PPIL4: variants seen among roughly 807,000 people sequenced by gnomAD.
The protein encoded by PPIL4 is peptidylprolyl isomerase like 4.
Under a neutral mutation model 69.1 loss-of-function variants are expected in PPIL4, and 50 were observed. The ratio of observed to expected loss-of-function variants is 0.72; its 90% CI spans 0.58 to 0.92. PPIL4 has a LOEUF of 0.92. PPIL4 is among the 40% of genes least tolerant of loss of function. The pLI is 0.00. For missense variants in PPIL4, 480 were observed against 587.9 expected, an observed-to-expected ratio of 0.82 and a Z score of 1.90; for synonymous variants, 193 against 191.6, an observed-to-expected ratio of 1.01 and a Z score of -0.06.
chr6:149,529,972 T>C (rs950006672), intron 7 of PPIL4, among the ~76,000 whole-genome samples: 1 of 151,942 alleles, frequency 6.6e-6, no homozygotes, highest in African/African-American at 2.4e-5. Context: ...AAAACATCAG[T>C]AGTTGCCAAG....
intron 9 of PPIL4, among the ~76,000 whole-genome samples, chr6:149,521,539 G>A (rs1268336421): frequency 6.6e-6 from 1 of 152,190 alleles, no homozygotes; most frequent in Non-Finnish European, 1.5e-5. Flanking sequence ...CCTGGAAAGT[G>A]AAAGTTGTGT....
At chr6:149,510,635 G>C (rs963141500) in intron 12 of PPIL4, among the ~76,000 whole-genome samples, 1 of 151,912 alleles carries the variant, frequency 6.6e-6, no homozygotes, top group South Asian at 2.1e-4. Context: ...CCACCTACTC[G>C]GGAGGCTGAG....
At chr6:149,540,364 C>A (rs1296133073) in intron 4 of PPIL4, among the ~76,000 whole-genome samples, 1 of 152,196 alleles carries the variant, frequency 6.6e-6, no homozygotes, top group Non-Finnish European at 1.5e-5. Flanking sequence ...CGCCTGTAAT[C>A]CCAGCACTTT....
intron 12 of PPIL4, among the ~76,000 whole-genome samples, chr6:149,510,908 G>A (rs1373783618): frequency 2.0e-5 from 3 of 151,702 alleles, no homozygotes; most frequent in East Asian, 1.9e-4. Flanking sequence ...GTTTGCACAC[G>A]CATTTTTTTC....
chr6:149,520,807 G>A (rs962851084), intron 10 of PPIL4, among the ~76,000 whole-genome samples: 5 of 152,150 alleles, frequency 3.3e-5, no homozygotes, highest in East Asian at 1.9e-4. Context: ...GAGGTCAGGA[G>A]TTCGAGACCA....
At position 149,520,581 on chromosome 6, in the gene PPIL4, G is replaced by GCACA. The variant is rs34268228; in HGVS notation, c.982+475_982+478dup. ...CACAGGTGCACACATGCATGTGTGT[G>GCACA]CACACACACACACACACACACTCTA... is the stretch of plus-strand genomic sequence containing the variant. On this transcript the variant is annotated intron_variant, in intron 10 of 12. Coordinates refer to ENST00000253329, the MANE Select transcript of PPIL4 (RefSeq NM_139126.4). Among the ~76,000 whole-genome samples, 226 of 149,728 alleles carry GCACA rather than the reference G, an allele frequency of 1.5e-3. 1 individual carries two copies. The highest frequency in any genetic ancestry group is 5.5e-3 in the African/African-American group (224 of 40,780).
intron 11 of PPIL4, chr6:149,516,949 A>G (rs1489400373): frequency 6.5e-6 from 1 of 153,762 alleles, no homozygotes; most frequent in African/African-American, 2.4e-5. Context: ...TATAGAAAAT[A>G]CAAAGCTAGT....
chr6:149,520,545 T>C (rs1033565057), intron 10 of PPIL4, among the ~76,000 whole-genome samples: 2 of 151,144 alleles, frequency 1.3e-5, no homozygotes, highest in African/African-American at 4.9e-5. Flanking sequence ...TTCATCAGTT[T>C]AAAATACACG....
At chr6:149,532,707 A>G (rs946784153) in intron 7 of PPIL4, among the ~76,000 whole-genome samples, 1 of 152,188 alleles carries the variant, frequency 6.6e-6, no homozygotes, top group Admixed American at 6.5e-5. Flanking sequence ...TCAGCAACTC[A>G]GGAGGCTGAG....
chr6:149,526,427 G>C lies in PPIL4; in HGVS notation c.803+225C>G, dbSNP rs575936019. Among the ~76,000 whole-genome samples, 5 of 152,274 alleles carry C rather than the reference G, an allele frequency of 3.3e-5. No homozygotes were observed. In the East Asian group the frequency reaches 7.7e-4, roughly 23 times the overall value. ...CTGTTTTAGGGTGAAAATGTGTTGA[G>C]AGTGGGAGATTCAATTATTTATCTG... On this transcript the variant is annotated intron_variant, in intron 8 of 12. Coordinates refer to ENST00000253329, the MANE Select transcript of PPIL4 (RefSeq NM_139126.4).
chr6:149,525,606 C>T (rs770959626), intron 8 of PPIL4, among the ~76,000 whole-genome samples: 4 of 152,106 alleles, frequency 2.6e-5, no homozygotes, highest in East Asian at 1.9e-4. Context: ...TGTATGCATA[C>T]TCATACATAT....
chr6:149,524,209 ATT>A (rs1238869050), intron 9 of PPIL4, among the ~76,000 whole-genome samples: 1 of 142,550 alleles, frequency 7.0e-6, no homozygotes, highest in East Asian at 4.9e-4. Flanking sequence ...TAGGTGTGTG[ATT>A]TTGAACAAGT....
chr6:149,506,723 T>C (rs1337308397), intron 12 of PPIL4, among the ~76,000 whole-genome samples: 2 of 152,134 alleles, frequency 1.3e-5, no homozygotes, highest in Non-Finnish European at 2.9e-5. Context: ...GTCTCCTAAG[T>C]AGCTGAGACC....
At position 149,517,368 on chromosome 6, in the gene PPIL4, T is replaced by C. The variant is rs1025952549; in HGVS notation, c.1065A>G (p.Val355=). ...GGTAAGGATACTCCTGTTTGGGCTTTACTTTATCTTTCAGAACCAAATTAG... is the reference window on the plus strand; with the variant it reads ...GGTAAGGATACTCCTGTTTGGGCTTCACTTTATCTTTCAGAACCAAATTAG... ...KPPNLVLKDK[V]KPKQDTKYDL... is the part of the protein sequence containing the mutation. The change falls in exon 11 of 13, where the codon GTA becomes GTG. Residue 355 remains valine (V), a synonymous_variant. Transcript: ENST00000253329. The C allele has an allele frequency of 6.3e-7, 1 of 1,588,352 alleles. No individual in the cohort carries two copies. The highest frequency in any genetic ancestry group is 1.7e-5 in the Admixed American group (1 of 59,636).
chr6:149,513,514 A>G (rs953463481), intron 11 of PPIL4, among the ~76,000 whole-genome samples: 1 of 149,068 alleles, frequency 6.7e-6, no homozygotes. Context: ...TAATAAAGAC[A>G]TACTTAAATG....
Position 149,534,779 on chromosome 6 carries a change from C to A in PPIL4, c.465-5G>T. On this transcript the variant is annotated splice_region_variant and splice_polypyrimidine_tract_variant and intron_variant, in intron 5 of 12. Coordinates refer to ENST00000253329, the MANE Select transcript of PPIL4 (RefSeq NM_139126.4). ...AAAATCACCGTATGATTTATCCTTA[C>A]AAAATAAATCCAAATCAAATGTTAT... 1 of 1,429,730 alleles carries A rather than the reference C, an allele frequency of 7.0e-7. No individual in the cohort carries two copies. The allele number at this position is 1,429,730 out of a possible 1,614,324, so 88.6% of individuals were successfully genotyped here. A position where few individuals can be genotyped will look rare whatever the true frequency, so the allele number is the denominator to read the frequency against.
At chr6:149,544,709 A>G (rs1294152964) in intron 1 of PPIL4, among the ~76,000 whole-genome samples, 1 of 152,220 alleles carries the variant, frequency 6.6e-6, no homozygotes, top group East Asian at 1.9e-4. Flanking sequence ...CAGAAGGACA[A>G]TAGTGGAGAA....
intron 7 of PPIL4, among the ~76,000 whole-genome samples, chr6:149,527,342 A>T (rs1457290852): frequency 6.6e-6 from 1 of 152,196 alleles, no homozygotes; most frequent in African/African-American, 2.4e-5. Context: ...ACAGAGCAAG[A>T]CTCCATCTCA....
chr6:149,537,771 T>C (rs1323776629), intron 4 of PPIL4, among the ~76,000 whole-genome samples: 1 of 152,096 alleles, frequency 6.6e-6, no homozygotes, highest in Non-Finnish European at 1.5e-5. Context: ...CAACAAAGCT[T>C]GGATGACAGC....
Sources: allele counts gnomAD v4.1 joint callset (sites outside exome capture counted in the v4.1 genomes callset), GRCh38; gene constraint gnomAD v4.1.1; transcripts MANE v1.5; gene names NCBI Gene and HGNC (gene_info 2026-07-23, HGNC 2026-07-21).